FAT4: variants seen among roughly 807,000 people sequenced by gnomAD.
FAT4 encodes the protein protocadherin Fat 4.
In FAT4, 84 loss-of-function variants were observed where a neutral mutation model predicts 303.9. The ratio of observed to expected loss-of-function variants is 0.28; its 90% confidence interval spans 0.23 to 0.33. The LOEUF is 0.33. Among genes scored for constraint, FAT4 ranks in the 10% least tolerant of loss-of-function variants. FAT4 has a pLI of 1.00. For missense variants in FAT4, 6,005 were observed against 6,146.8 expected (o/e 0.98, Z 0.77); for synonymous variants, 2,307 against 2,298.8 (o/e 1.00, Z -0.10).
rs549110859 is a variant in FAT4 at position 125,449,706 on chromosome 4, C to A, written c.8696C>A (p.Thr2899Lys). 6.2e-7 allele frequency: 1 copy of A among 1,613,934 alleles called. No individual in the cohort carries two copies. Among genetic ancestry groups the A allele is most frequent in the East Asian group, 2.2e-5 (1 of 44,858 alleles). The part of the protein sequence containing the change: ...IGSKVTQVFA[T>K]DPDEGSNGQV... ...TCCAAAGTAACTCAGGTATTTGCAACAGATCCTGATGAGGGATCAAATGGA... is the reference window on the plus strand; with the variant it reads ...TCCAAAGTAACTCAGGTATTTGCAAAAGATCCTGATGAGGGATCAAATGGA... The change falls in exon 10 of 18, where the codon ACA becomes AAA. Residue 2899 changes from threonine (T) to lysine (K), a missense_variant. Thr to Lys is a moderately conservative substitution (Grantham distance 78). Transcript: ENST00000394329.
intron 10 of FAT4, among the ~76,000 whole-genome samples, chr4:125,461,714 A>G (rs1225646330): frequency 6.6e-6 from 1 of 151,994 alleles, no homozygotes; most frequent in African/African-American, 2.4e-5. Context: ...GTGAAAACCA[A>G]ATGGAAAGAG....
intron 2 of FAT4, among the ~76,000 whole-genome samples, chr4:125,365,528 G>A (rs1286757008): frequency 6.6e-6 from 1 of 151,904 alleles, no homozygotes; most frequent in Admixed American, 6.6e-5. Context: ...GTTTCCAATA[G>A]TCTAATTAGG....
At chr4:125,398,731 T>C in intron 2 of FAT4, 53 bp from the exon 3 acceptor site, 1 of 1,569,360 alleles carries the variant, frequency 6.4e-7, no homozygotes, top group Non-Finnish European at 8.7e-7. Flanking sequence ...TTTTAATTGG[T>C]ATCTTGCAGA....
intron 6 of FAT4, 123 bp from the exon 7 acceptor site, chr4:125,416,325 T>A: frequency 1.1e-6 from 1 of 887,326 alleles, no homozygotes. Flanking sequence ...TACTTGAAAA[T>A]CTAAAAATAT....
intron 2 of FAT4, among the ~76,000 whole-genome samples, chr4:125,395,484 A>G (rs1309104685): frequency 6.6e-6 from 1 of 151,790 alleles, no homozygotes; most frequent in Non-Finnish European, 1.5e-5. Flanking sequence ...TAATTTTTGT[A>G]TTTTCAGTAG....
chr4:125,491,993 G>A lies in FAT4; in HGVS notation c.*225G>A. ...TATTTCCCTGCATGCATTGTGTTTTGTAACTAGTTATGTGGCATGCAGCAT... is the reference window on the plus strand; with the variant it reads ...TATTTCCCTGCATGCATTGTGTTTTATAACTAGTTATGTGGCATGCAGCAT... On this transcript the variant is annotated 3_prime_UTR_variant, in exon 18 of 18. Coordinates refer to ENST00000394329, the MANE Select transcript of FAT4 (RefSeq NM_001291303.3). 1.9e-6 allele frequency: 1 copy of A among 519,820 alleles called. No homozygotes were observed. Among genetic ancestry groups the A allele is most frequent in the Non-Finnish European group, 3.3e-6 (1 of 303,104 alleles). The allele number at this position is 519,820 out of a possible 1,614,324, so 32.2% of individuals were successfully genotyped here. A position where few individuals can be genotyped will look rare whatever the true frequency, so the allele number is the denominator to read the frequency against.
intron 2 of FAT4, among the ~76,000 whole-genome samples, chr4:125,343,022 A>G (rs1247426737): frequency 1.3e-5 from 2 of 152,206 alleles, no homozygotes; most frequent in Non-Finnish European, 2.9e-5. Context: ...TAATAACTAC[A>G]TAGCAAAAGT....
chr4:125,472,407 A>G (rs1214114891), intron 12 of FAT4, among the ~76,000 whole-genome samples: 2 of 152,172 alleles, frequency 1.3e-5, no homozygotes, highest in Non-Finnish European at 2.9e-5. Context: ...TTCAGAAGTA[A>G]TATTTAAAAT....
chr4:125,347,103 G>C (rs1029401297), intron 2 of FAT4, among the ~76,000 whole-genome samples: 1 of 151,750 alleles, frequency 6.6e-6, no homozygotes, highest in Non-Finnish European at 1.5e-5. Flanking sequence ...CTGAGCGGTA[G>C]GCTCAGTGCT....
chr4:125,334,635 T>C (rs1731504379), intron 2 of FAT4, among the ~76,000 whole-genome samples: 1 of 152,202 alleles, frequency 6.6e-6, no homozygotes, highest in Admixed American at 6.5e-5. Flanking sequence ...AAACAAGACA[T>C]GTATTTCATA....
intron 16 of FAT4, among the ~76,000 whole-genome samples, chr4:125,483,078 A>G (rs908361875): frequency 2.6e-5 from 4 of 152,172 alleles, no homozygotes; most frequent in African/African-American, 9.7e-5. Flanking sequence ...ATCTGGCCCC[A>G]AATATCATTA....
intron 8 of FAT4, among the ~76,000 whole-genome samples, chr4:125,440,670 A>T (rs1017216581): frequency 6.8e-6 from 1 of 147,970 alleles, no homozygotes; most frequent in Non-Finnish European, 1.5e-5. Context: ...GCAAGCATCA[A>T]TTCTGTGAAC....
chr4:125,319,035 G>A lies in FAT4; in HGVS notation c.2624G>A (p.Gly875Glu). Reference sequence around the variant, plus strand: ...GTGGCCAGTGGGGGCACAGTGACTGGAGACACTATGGTTAACATAACAGTT... The same window carrying A: ...GTGGCCAGTGGGGGCACAGTGACTGAAGACACTATGGTTAACATAACAGTT... The part of the protein sequence containing the change: ...KVVASGGTVT[G>E]DTMVNITVKD... Residue 875 changes from glycine to glutamate, a missense_variant, in exon 2 of 18, where the codon GGA (glycine) becomes GAA (glutamate). Transcript: ENST00000394329. 6.2e-7 allele frequency: 1 copy of A among 1,614,150 alleles called. No individual in the cohort carries two copies. The highest frequency in any genetic ancestry group is 8.5e-7 in the Non-Finnish European group (1 of 1,180,022).
intron 2 of FAT4, among the ~76,000 whole-genome samples, chr4:125,389,450 T>A (rs76078009): frequency 6.6e-6 from 1 of 152,260 alleles, no homozygotes; most frequent in Non-Finnish European, 1.5e-5. Context: ...GCTTATTCAT[T>A]TTTTTCTTCT....
At chr4:125,462,101 G>T (rs1360176461) in intron 10 of FAT4, among the ~76,000 whole-genome samples, 1 of 151,840 alleles carries the variant, frequency 6.6e-6, no homozygotes, top group Non-Finnish European at 1.5e-5. Flanking sequence ...TATTTATAAG[G>T]GAAAAAATGT....
At chr4:125,472,548 A>G (rs1240989863) in intron 12 of FAT4, among the ~76,000 whole-genome samples, 2 of 152,188 alleles carry the variant, frequency 1.3e-5, no homozygotes, top group Non-Finnish European at 2.9e-5. Context: ...AATATTAATT[A>G]TTTTTGACCA....
rs779091402 is a variant in FAT4 at position 125,450,932 on chromosome 4, G to C, written c.9922G>C (p.Glu3308Gln). ...PRFVSKLYYF[E>Q]ISEAAPKGTI... is the part of the protein sequence containing the mutation. The stretch of plus-strand genomic sequence containing the variant: ...TTTTGTTTCCAAACTTTACTATTTT[G>C]AAATCTCAGAAGCAGCTCCTAAAGG... Residue 3308 changes from glutamate (E) to glutamine (Q), a missense_variant, in exon 10 of 18, where the codon GAA (glutamate) becomes CAA (glutamine). Transcript: ENST00000394329. 5.6e-6 allele frequency: 9 copies of C among 1,614,088 alleles called. No individual in the cohort carries two copies. The South Asian group carries it at 9.9e-5, about 18-fold the overall frequency.
At chr4:125,342,586 T>A (rs1158059325) in intron 2 of FAT4, among the ~76,000 whole-genome samples, 1 of 152,034 alleles carries the variant, frequency 6.6e-6, no homozygotes, top group African/African-American at 2.4e-5. Context: ...TTTTGCCTTA[T>A]ACACTCATAT....
chr4:125,412,137 T>C (rs1734873090), intron 5 of FAT4, among the ~76,000 whole-genome samples: 1 of 151,788 alleles, frequency 6.6e-6, no homozygotes, highest in African/African-American at 2.4e-5. Context: ...TAGAAAAAAA[T>C]GGTCTGAGCT....
Sources: allele counts gnomAD v4.1 joint callset (sites outside exome capture counted in the v4.1 genomes callset), GRCh38; gene constraint gnomAD v4.1.1; transcripts MANE v1.5; gene names NCBI Gene and HGNC (gene_info 2026-07-23, HGNC 2026-07-21).